The following SLC6A9 variants were observed in gnomAD, a reference collection of about 807,000 sequenced individuals.
The protein encoded by SLC6A9 is solute carrier family 6 member 9, also known as sodium- and chloride-dependent glycine transporter 1.
In SLC6A9, 31 loss-of-function variants were observed where a neutral mutation model predicts 70.9. The ratio of observed to expected loss-of-function variants is 0.44; its 90% CI spans 0.33 to 0.59. The LOEUF (loss-of-function observed/expected upper bound fraction) is 0.59, where lower values mean the gene tolerates loss of function less well. SLC6A9 is among the 20% of genes least tolerant of loss of function. The probability of loss-of-function intolerance (pLI) is 0.04; values close to 1 mark genes in which losing one functional copy is unlikely to be tolerated. For missense variants in SLC6A9, 631 were observed against 845.2 expected (o/e 0.75, Z 3.14); for synonymous variants, 310 against 341.3 (o/e 0.91, Z 1.01).
rs1328409495 is a variant in SLC6A9, at chr1:44,001,305, G to A, written c.1201-7C>T. On this transcript the variant is annotated splice_polypyrimidine_tract_variant and splice_region_variant and intron_variant, in intron 9 of 13. Coordinates refer to ENST00000372310, the MANE Select transcript of SLC6A9 (RefSeq NM_001024845.3). The stretch of plus-strand genomic sequence containing the variant: ...GCGTCTCCAGGAGGCAGAACTGCAG[G>A]ATGTGGCTGTCAGATCGGAGACCTG... 1 of 1,614,230 alleles carries A rather than the reference G, an allele frequency of 6.2e-7. No homozygotes were observed. Among genetic ancestry groups the A allele is most frequent in the East Asian group, 2.2e-5 (1 of 44,886 alleles).
At chr1:44,014,785 G>C (rs568109426) in intron 2 of SLC6A9, 1 of 151,974 alleles carries the variant, frequency 6.6e-6, no homozygotes, top group Admixed American at 6.6e-5. Context: ...TCTAGGGCCC[G>C]CTCCTCCAGT....
chr1:44,002,594 A>G lies in SLC6A9; in HGVS notation c.776T>C (p.Val259Ala). 1 of 1,614,020 alleles carries G rather than the reference A, an allele frequency of 6.2e-7. No individual in the cohort carries two copies. The highest frequency in any genetic ancestry group is 1.1e-5 in the South Asian group (1 of 91,062). ...GGCTCCCTCCAGGGTCACTCCGCGG[A>G]CAAACAGAATGGTCAGCACCACGTA... ...FPYVVLTILF[V>A]RGVTLEGAFD... The change falls in exon 7 of 14, where the codon GTC becomes GCC. Residue 259 changes from valine to alanine, a missense_variant. By Grantham distance (64) the Val-to-Ala change is moderately conservative (BLOSUM62 0). Coordinates refer to ENST00000372310, the MANE Select transcript of SLC6A9 (RefSeq NM_001024845.3). This position sits in a 1 kb window ranked among gnomAD's most constrained non-coding sequence, Gnocchi z 5.5.
chr1:44,027,364 G>GT (rs1462427741), intron 1 of SLC6A9, among the ~76,000 whole-genome samples: 3 of 152,178 alleles, frequency 2.0e-5, no homozygotes, highest in Admixed American at 6.5e-5. Flanking sequence ...TAGTTTCCTC[G>GT]TAAGTTCTGA....
chr1:44,003,052 AG>A lies in SLC6A9; in HGVS notation c.591-68del, dbSNP rs982403352. 1.2e-5 allele frequency: 19 copies of A among 1,587,604 alleles called. No homozygotes were observed. In the African/African-American group the frequency reaches 2.0e-4, roughly 17 times the overall value. On this transcript the variant is annotated intron_variant, in intron 5 of 13. Transcript: ENST00000372310. ...GCCCAGCAACAAATTCCCAAGGCCC[AG>A]GGCCCACCCGGGCTGTACCCTCCTT...
In SLC6A9 at chr1:44,010,106, A is replaced by G. The variant is rs1347699900; in HGVS notation, c.188-10T>C. 6.2e-7 allele frequency: 1 copy of G among 1,613,200 alleles called. No homozygotes were observed. Among genetic ancestry groups the G allele is most frequent in the Non-Finnish European group, 8.5e-7 (1 of 1,179,482 alleles). ...GGGAACATGAAGGCGCCTGGTAGGC[A>G]GGGAGAGGTCTGGCTCAGGAGTGGG... On this transcript the variant is annotated splice_polypyrimidine_tract_variant and intron_variant, in intron 3 of 13. Transcript: ENST00000372310.
At chr1:44,025,410 T>C (rs974743169) in intron 1 of SLC6A9, among the ~76,000 whole-genome samples, 1 of 150,668 alleles carries the variant, frequency 6.6e-6, no homozygotes, top group Non-Finnish European at 1.5e-5. Flanking sequence ...TTGACAGGCC[T>C]CGGGAGAAAT....
intron 2 of SLC6A9, chr1:44,017,161 A>G (rs1444254259): frequency 1.2e-6 from 2 of 1,604,000 alleles, no homozygotes; most frequent in Non-Finnish European, 8.5e-7. Context: ...CCAGCGCGAC[A>G]CTGACGCATC....
intron 12 of SLC6A9, 84 bp from the exon 13 acceptor site, chr1:43,998,109 C>T (rs2085945531): frequency 3.1e-6 from 4 of 1,309,784 alleles, no homozygotes; most frequent in Middle Eastern, 2.0e-4. Flanking sequence ...ACCCTTTCCT[C>T]TCTGGTTTCC....
intron 2 of SLC6A9, among the ~76,000 whole-genome samples, chr1:44,021,215 C>A (rs888447078): frequency 1.1e-4 from 16 of 152,262 alleles, no homozygotes; most frequent in Admixed American, 8.5e-4. Context: ...GGAGGACCAC[C>A]CCACCCACCC....
At chr1:44,028,789 GAGAA>G (rs972699451) in intron 1 of SLC6A9, among the ~76,000 whole-genome samples, 26 of 146,058 alleles carry the variant, frequency 1.8e-4, no homozygotes, top group Admixed American at 4.0e-4. Context: ...AAGAGAGAGA[GAGAA>G]AGAAAGAAAG....
intron 2 of SLC6A9, among the ~76,000 whole-genome samples, chr1:44,023,722 C>G (rs1486499363): frequency 3.3e-5 from 5 of 152,108 alleles, no homozygotes; most frequent in African/African-American, 7.2e-5. Flanking sequence ...TCCCGTGTCT[C>G]GTGGCCTCAC....
chr1:44,003,349 T>G (rs1156453338), intron 5 of SLC6A9, among the ~76,000 whole-genome samples: 5 of 152,358 alleles, frequency 3.3e-5, no homozygotes, highest in African/African-American at 9.6e-5. Flanking sequence ...CAGGAATGCC[T>G]TTTCCTCATT....
chr1:44,007,224 C>T (rs1571868836), intron 5 of SLC6A9, among the ~76,000 whole-genome samples: 1 of 152,194 alleles, frequency 6.6e-6, no homozygotes, highest in East Asian at 1.9e-4. Context: ...CTGTGACACC[C>T]CTGCACATAC....
At chr1:44,010,609 C>G in intron 3 of SLC6A9, 117 bp downstream of exon 3, 1 of 1,049,640 alleles carries the variant, frequency 9.5e-7, no homozygotes, top group Non-Finnish European at 1.4e-6. Flanking sequence ...CGAAGGAGGC[C>G]AGGGCCAGAG....
rs201434446 is a variant in SLC6A9 at position 44,010,056 on chromosome 1, G to T, written c.228C>A (p.Cys76Ter). The T allele has an allele frequency of 6.2e-7, 1 of 1,614,072 alleles. No homozygotes were observed. The highest frequency in any genetic ancestry group is 8.5e-7 in the Non-Finnish European group (1 of 1,179,940). The stretch of plus-strand genomic sequence containing the variant: ...GCTCCATGAAGAAGAGGGGGATCCC[G>T]CAGAAGATGAGCATGATGAAGTAGG... ...MFPYFIMLIF[C>*]GIPLFFMELS... is the part of the protein sequence containing the mutation. The change falls in exon 4 of 14, where the codon TGC (cysteine) becomes TGA (stop). Residue 76 changes from cysteine (C) to a stop codon, truncating the protein, a stop_gained. Transcript: ENST00000372310. LOFTEE classifies it high-confidence loss of function.
At position 44,029,065 on chromosome 1, in the gene SLC6A9, G is replaced by A. The variant is rs78164490; in HGVS notation, c.-86+2241C>T. Among the ~76,000 whole-genome samples, 18 of 152,290 alleles carry A rather than the reference G, an allele frequency of 1.2e-4. 1 individual carries two copies. In the East Asian group the frequency reaches 3.5e-3, roughly 29 times the overall value. On this transcript the variant is annotated intron_variant, in intron 1 of 13. Coordinates refer to ENST00000372310, the MANE Select transcript of SLC6A9 (RefSeq NM_001024845.3). ...GGTGAGGCTGCAGGTTTGGTGCGGG[G>A]ACAGGAGGGCTGGCTTGGACAAGCT...
chr1:43,997,767 G>T lies in SLC6A9; in HGVS notation c.1708-28C>A, dbSNP rs1571833355. Reference sequence around the variant, plus strand: ...GCATGAGGTAGGCATGGGGCACAGGGGCAGGGCACGTCAGGAGGGAGCCCT... The same window carrying T: ...GCATGAGGTAGGCATGGGGCACAGGTGCAGGGCACGTCAGGAGGGAGCCCT... On this transcript the variant is annotated intron_variant, in intron 13 of 13. Coordinates refer to ENST00000372310, the MANE Select transcript of SLC6A9 (RefSeq NM_001024845.3). This position sits in a 1 kb window ranked among gnomAD's most constrained non-coding sequence, Gnocchi z 4.4. 1.9e-6 allele frequency: 3 copies of T among 1,595,712 alleles called. No individual in the cohort carries two copies. The South Asian group carries it at 3.3e-5, about 18-fold the overall frequency.
At chr1:44,010,534 C>T in intron 3 of SLC6A9, 192 bp downstream of exon 3, 1 of 543,048 alleles carries the variant, frequency 1.8e-6, no homozygotes, top group Non-Finnish European at 3.3e-6. Flanking sequence ...CAGCCCCCAA[C>T]AACAGACTGC....
intron 1 of SLC6A9, among the ~76,000 whole-genome samples, chr1:44,026,193 T>C (rs1326585019): frequency 2.0e-5 from 3 of 152,222 alleles, no homozygotes; most frequent in Non-Finnish European, 1.5e-5. Context: ...TGGGGGCAAG[T>C]AGGGGAAGCG....
Sources: gnomAD v4.1 joint callset for allele counts (sites outside exome capture counted in the v4.1 genomes callset) on GRCh38, gnomAD v4.1.1 for gene constraint, Gnocchi (gnomAD v3.1) non-coding constraint, MANE v1.5 for transcripts, NCBI Gene and HGNC (gene_info 2026-07-23, HGNC 2026-07-21) for gene names.